ATP8A2: variants seen among roughly 807,000 people sequenced by gnomAD.
ATP8A2 encodes phospholipid-transporting ATPase IB.
Under a neutral mutation model 165.6 loss-of-function variants are expected in ATP8A2, and 100 were observed. That is an observed-to-expected ratio of 0.60 (90% CI 0.51 to 0.71). The LOEUF is 0.71. ATP8A2 is among the 30% of genes least tolerant of loss of function. The pLI is 0.00. For synonymous variants in ATP8A2, 543 were observed against 548.8 expected, an observed-to-expected ratio of 0.99 and a Z score of 0.15; for missense variants, 1,227 against 1,479.5, an observed-to-expected ratio of 0.83 and a Z score of 2.80.
chr13:25,928,414 C>A (rs1019293649), intron 33 of ATP8A2, among the ~76,000 whole-genome samples: 13 of 152,158 alleles, frequency 8.5e-5, no homozygotes, highest in African/African-American at 2.7e-4. Context: ...TTACATTGAG[C>A]CTGTATTGAT....
At chr13:25,857,598 G>A (rs1377902766) in intron 30 of ATP8A2, among the ~76,000 whole-genome samples, 1 of 124,538 alleles carries the variant, frequency 8.0e-6, no homozygotes, top group East Asian at 2.5e-4. Context: ...TTTTGAGGCA[G>A]AGTCTCACTC....
At chr13:25,789,584 T>A (rs2045115395) in intron 27 of ATP8A2, among the ~76,000 whole-genome samples, 2 of 152,134 alleles carry the variant, frequency 1.3e-5, no homozygotes, top group South Asian at 4.1e-4. Flanking sequence ...AAATCAGAGA[T>A]GACACAAACA....
At chr13:25,659,764 C>T (rs1162549531) in intron 24 of ATP8A2, among the ~76,000 whole-genome samples, 1 of 152,098 alleles carries the variant, frequency 6.6e-6, no homozygotes, top group African/African-American at 2.4e-5. Flanking sequence ...GTAGGGCAAG[C>T]GTGAAGCTTT....
intron 1 of ATP8A2, among the ~76,000 whole-genome samples, chr13:25,382,346 T>C (rs2032868843): frequency 6.6e-6 from 1 of 152,234 alleles, no homozygotes; most frequent in Admixed American, 6.5e-5. Flanking sequence ...GAAGAACATC[T>C]TGGGTGCTTT....
At chr13:25,474,911 A>G (rs1275131667) in intron 2 of ATP8A2, among the ~76,000 whole-genome samples, 1 of 151,752 alleles carries the variant, frequency 6.6e-6, no homozygotes, top group Non-Finnish European at 1.5e-5. Flanking sequence ...GCTCACTGCA[A>G]CCTCTTCCTC....
rs568815759 is a variant in ATP8A2 at position 25,558,834 on chromosome 13, T to C, written c.1264-139T>C. 7.2e-6 allele frequency: 4 copies of C among 555,132 alleles called. No homozygotes were observed. In the East Asian group the frequency reaches 1.2e-4, roughly 17 times the overall value. The allele number at this position is 555,132 out of a possible 1,614,324, so 34.4% of individuals were successfully genotyped here. ...CTAAGCATTAAAATATTAATATATT[T>C]TTTGTTACTAATTTGCTTGCTTTAG... On this transcript the variant is annotated intron_variant, in intron 13 of 36. Transcript: ENST00000381655.
At chr13:25,873,640 C>CTTT (rs201451621) in intron 33 of ATP8A2, among the ~76,000 whole-genome samples, 2 of 139,850 alleles carry the variant, frequency 1.4e-5, no homozygotes, top group East Asian at 2.1e-4. Flanking sequence ...CTAAGTATCT[C>CTTT]TTTTTTTTTT....
At chr13:25,912,830 ACATG>A (rs1954158525) in intron 33 of ATP8A2, among the ~76,000 whole-genome samples, 1 of 152,198 alleles carries the variant, frequency 6.6e-6, no homozygotes, top group Admixed American at 6.5e-5. Flanking sequence ...AATTGGCACT[ACATG>A]GTGCTGAGTG....
chr13:25,697,168 G>A (rs1048420954), intron 24 of ATP8A2, among the ~76,000 whole-genome samples: 4 of 152,190 alleles, frequency 2.6e-5, no homozygotes, highest in African/African-American at 9.7e-5. Flanking sequence ...AAAATGAGGT[G>A]TGCCTGTATT....
At chr13:25,628,040 G>C (rs990076072) in intron 24 of ATP8A2, among the ~76,000 whole-genome samples, 7 of 152,150 alleles carry the variant, frequency 4.6e-5, no homozygotes, top group African/African-American at 1.7e-4. Flanking sequence ...ATATTGCATG[G>C]TGAACTGGGA....
chr13:25,579,776 C>G, intron 21 of ATP8A2, 32 bp from the exon 22 acceptor site: 1 of 1,609,234 alleles, frequency 6.2e-7, no homozygotes, highest in Non-Finnish European at 8.5e-7. Context: ...ACGCGTTCTG[C>G]CTGCCTCCAT....
At chr13:25,676,974 T>C (rs928018459) in intron 24 of ATP8A2, among the ~76,000 whole-genome samples, 12 of 152,200 alleles carry the variant, frequency 7.9e-5, no homozygotes, top group Non-Finnish European at 1.5e-4. Context: ...CCTAGTGCCT[T>C]TGTTATTGGG....
intron 24 of ATP8A2, among the ~76,000 whole-genome samples, chr13:25,649,241 C>CT (rs2041754031): frequency 1.3e-5 from 2 of 152,150 alleles, no homozygotes; most frequent in Admixed American, 1.3e-4. Context: ...TTTTGGAGTT[C>CT]TCTAAATGTC....
chr13:25,512,981 C>T (rs560838385), intron 2 of ATP8A2, among the ~76,000 whole-genome samples: 5 of 138,084 alleles, frequency 3.6e-5, no homozygotes, highest in South Asian at 2.3e-4. Flanking sequence ...ACCTCCCTCC[C>T]GGACGGGGTG....
At chr13:26,013,950 G>A (rs979435500) in intron 36 of ATP8A2, among the ~76,000 whole-genome samples, 32 of 152,156 alleles carry the variant, frequency 2.1e-4, no homozygotes, top group Admixed American at 6.5e-5. Context: ...CCTGGGAGGT[G>A]GGTAATGCCA....
At chr13:25,920,227 A>G (rs746983812) in intron 33 of ATP8A2, among the ~76,000 whole-genome samples, 1 of 152,050 alleles carries the variant, frequency 6.6e-6, no homozygotes, top group Non-Finnish European at 1.5e-5. Context: ...CTCAGCATTG[A>G]GCCCGTAGAT....
intron 28 of ATP8A2, 52 bp downstream of exon 28, chr13:25,828,244 G>A (rs762049950): frequency 4.3e-6 from 6 of 1,386,960 alleles, no homozygotes; most frequent in African/African-American, 1.4e-5. Context: ...GAACTTCAGT[G>A]ACATTCCTTC....
chr13:25,634,951 A>T (rs11838691), intron 24 of ATP8A2, among the ~76,000 whole-genome samples: 5,256 of 151,826 alleles, frequency 0.035, 157 homozygotes, highest in East Asian at 0.13. Context: ...TTTTTTTTGG[A>T]TGGGGGAGAA....
intron 33 of ATP8A2, among the ~76,000 whole-genome samples, chr13:25,908,151 A>G (rs910816943): frequency 7.9e-5 from 12 of 152,192 alleles, no homozygotes; most frequent in African/African-American, 1.4e-4. Context: ...TCATTTAAAG[A>G]TAGTCATGTA....
Sources: allele counts gnomAD v4.1 joint callset (sites outside exome capture counted in the v4.1 genomes callset), GRCh38; gene constraint gnomAD v4.1.1; transcripts MANE v1.5; gene names NCBI Gene and HGNC (gene_info 2026-07-23, HGNC 2026-07-21).